AGBL1: variants seen among roughly 807,000 people sequenced by gnomAD.
AGBL1 encodes AGBL carboxypeptidase 1.
Under a neutral mutation model 118.9 loss-of-function variants are expected in AGBL1, and 130 were observed. The ratio of observed to expected loss-of-function variants is 1.09; its 90% CI spans 0.95 to 1.26. The LOEUF is 1.26. AGBL1 is among the 50% of genes most tolerant of loss of function. The pLI, the probability that AGBL1 is intolerant of heterozygous loss-of-function variation, is 0.00. For synonymous variants in AGBL1, 555 were observed against 478.9 expected (o/e 1.16, Z -2.08); for missense variants, 1,584 against 1,298.1 (o/e 1.22, Z -3.38).
At chr15:86,635,690 A>G (rs2085071122) in intron 21 of AGBL1, among the ~76,000 whole-genome samples, 1 of 152,112 alleles carries the variant, frequency 6.6e-6, no homozygotes, top group African/African-American at 2.4e-5. Context: ...CCTCTATAAG[A>G]AAAAGATTAC....
chr15:86,811,698 C>T (rs143731953), intron 22 of AGBL1, among the ~76,000 whole-genome samples: 1,859 of 152,194 alleles, frequency 0.012, 26 homozygotes, highest in Middle Eastern at 0.061. Flanking sequence ...CTCAAACAGT[C>T]CCAAGATGTT....
chr15:86,783,144 A>AAATT (rs2078357924), intron 22 of AGBL1, among the ~76,000 whole-genome samples: 2 of 152,222 alleles, frequency 1.3e-5, no homozygotes, highest in Non-Finnish European at 2.9e-5. Flanking sequence ...CCACCAAATG[A>AAATT]AATTGCTATT....
chr15:86,528,108 A>G (rs1298890838), intron 19 of AGBL1, among the ~76,000 whole-genome samples: 1 of 152,232 alleles, frequency 6.6e-6, no homozygotes, highest in Non-Finnish European at 1.5e-5. Context: ...GGAGGAGCCA[A>G]GATGGCCGAA....
At chr15:86,702,951 C>A (rs1309505850) in intron 22 of AGBL1, among the ~76,000 whole-genome samples, 1 of 152,050 alleles carries the variant, frequency 6.6e-6, no homozygotes, top group East Asian at 1.9e-4. Flanking sequence ...CGAAGACTGA[C>A]CCCTGGGACA....
rs764032689 is a variant in AGBL1, at chr15:86,170,209, A to T, written c.488+11183A>T. On this transcript the variant is annotated intron_variant, in intron 5 of 22. Coordinates refer to ENST00000614907, the MANE Select transcript of AGBL1 (RefSeq NM_001386094.1). ...AATTGAACCTCTGGAGATGAAATCT[A>T]CAGTGTGTAGGAGAAAAACACACTG... Among the ~76,000 whole-genome samples the T allele has an allele frequency of 1.2e-3, 179 of 152,376 alleles. 2 individuals are homozygous for T. Among genetic ancestry groups the T allele is most frequent in the Middle Eastern group, 3.4e-3 (1 of 294 alleles).
At chr15:86,506,679 T>C (rs536765259) in intron 18 of AGBL1, among the ~76,000 whole-genome samples, 2 of 152,172 alleles carry the variant, frequency 1.3e-5, no homozygotes, top group Admixed American at 6.6e-5. Flanking sequence ...TCAGAACCGA[T>C]GACAGAGTGA....
Position 86,447,897 on chromosome 15 carries a change from C to T in AGBL1, c.2555+50351C>T, listed in dbSNP as rs1402165617. Among the ~76,000 whole-genome samples, 3 of 152,210 alleles carry T rather than the reference C, an allele frequency of 2.0e-5. No homozygotes were observed. The East Asian group carries it at 5.8e-4, about 29-fold the overall frequency. ...CAGTGGCTCATGCCTATAATCCCAGCACTTTGAGAAGCTGAGGTGGGAGGA... is the reference window on the plus strand; with the variant it reads ...CAGTGGCTCATGCCTATAATCCCAGTACTTTGAGAAGCTGAGGTGGGAGGA... On this transcript the variant is annotated intron_variant, in intron 18 of 22. Coordinates refer to ENST00000614907, the MANE Select transcript of AGBL1 (RefSeq NM_001386094.1).
At chr15:86,199,695 G>A (rs1007591850) in intron 5 of AGBL1, among the ~76,000 whole-genome samples, 1 of 152,164 alleles carries the variant, frequency 6.6e-6, no homozygotes, top group African/African-American at 2.4e-5. Flanking sequence ...CTTGAATTGA[G>A]TAAATCTGAC....
At chr15:86,527,970 C>A (rs1037299305) in intron 19 of AGBL1, among the ~76,000 whole-genome samples, 1 of 152,214 alleles carries the variant, frequency 6.6e-6, no homozygotes, top group African/African-American at 2.4e-5. Flanking sequence ...TATCCATCCA[C>A]CCACCCATCC....
At chr15:86,361,873 T>C (rs1496889) in intron 17 of AGBL1, among the ~76,000 whole-genome samples, 80,275 of 151,982 alleles carry the variant, frequency 0.53, 23,188 homozygotes, top group Non-Finnish European at 0.65. Flanking sequence ...AGCATATTGT[T>C]GCATCTTTTT....
At chr15:86,871,425 G>T in intron 22 of AGBL1, among the ~76,000 whole-genome samples, 1 of 152,134 alleles carries the variant, frequency 6.6e-6, no homozygotes, top group Non-Finnish European at 1.5e-5. Flanking sequence ...TTAGATCTCT[G>T]TAGTATCATT....
chr15:86,144,013 G>T (rs2076999954), intron 3 of AGBL1, among the ~76,000 whole-genome samples, 168 bp downstream of exon 3: 1 of 152,162 alleles, frequency 6.6e-6, no homozygotes. Context: ...AGGCCATTTT[G>T]TTGACTTTGA....
At chr15:86,357,890 G>A (rs1455780443) in intron 17 of AGBL1, among the ~76,000 whole-genome samples, 2 of 152,028 alleles carry the variant, frequency 1.3e-5, no homozygotes, top group African/African-American at 4.8e-5. Flanking sequence ...GTTTATTGCG[G>A]TATACCTGAC....
At chr15:86,853,341 C>T (rs1322779660) in intron 22 of AGBL1, among the ~76,000 whole-genome samples, 1 of 152,056 alleles carries the variant, frequency 6.6e-6, no homozygotes, top group East Asian at 1.9e-4. Flanking sequence ...ATTAAGCAAG[C>T]AGTAGAGAGC....
chr15:86,313,204 T>C (rs1013700042), intron 17 of AGBL1, among the ~76,000 whole-genome samples: 1 of 152,194 alleles, frequency 6.6e-6, no homozygotes, highest in African/African-American at 2.4e-5. Flanking sequence ...GCAGGACTTA[T>C]TTCTTTGAGG....
At chr15:86,936,213 C>A (rs944976409) in intron 23 of AGBL1, among the ~76,000 whole-genome samples, 1 of 150,988 alleles carries the variant, frequency 6.6e-6, no homozygotes, top group Non-Finnish European at 1.5e-5. Context: ...AAATGCATTG[C>A]CAAATTGTAA....
chr15:86,390,105 G>A (rs1381203562), intron 17 of AGBL1, among the ~76,000 whole-genome samples: 1 of 152,100 alleles, frequency 6.6e-6, no homozygotes, highest in South Asian at 2.1e-4. Context: ...AAGAAAGCCA[G>A]CAAAGCTATA....
intron 21 of AGBL1, among the ~76,000 whole-genome samples, chr15:86,575,129 C>T (rs1004222063): frequency 9.2e-5 from 14 of 151,624 alleles, no homozygotes; most frequent in Non-Finnish European, 1.6e-4. Context: ...GTGGAGGTGA[C>T]CGTGAGCCAA....
At chr15:86,958,000 G>A (rs1453334945) in intron 23 of AGBL1, among the ~76,000 whole-genome samples, 1 of 151,854 alleles carries the variant, frequency 6.6e-6, no homozygotes, top group Non-Finnish European at 1.5e-5. Context: ...CCAGGAGTTC[G>A]AGACCAGCCT....
Sources: gnomAD v4.1 joint callset for allele counts (sites outside exome capture counted in the v4.1 genomes callset) on GRCh38, gnomAD v4.1.1 for gene constraint, MANE v1.5 for transcripts, NCBI Gene and HGNC (gene_info 2026-07-23, HGNC 2026-07-21) for gene names.